Variants in PPM1E observed in about 807,000 individuals in gnomAD.
PPM1E encodes the protein protein phosphatase, Mg2+/Mn2+ dependent 1E, also known as protein phosphatase 1E.
A neutral mutation model predicts 65.9 loss-of-function variants in PPM1E; 20 were observed. The ratio of observed to expected loss-of-function variants is 0.30; its 90% confidence interval spans 0.21 to 0.44. The LOEUF is 0.44. PPM1E is among the 20% of genes least tolerant of loss of function. PPM1E has a pLI of 1.00. For missense variants in PPM1E, 713 were observed against 953.1 expected (o/e 0.75, Z 3.32); for synonymous variants, 352 against 374.9 (o/e 0.94, Z 0.70).
In PPM1E at chr17:58,766,615, A is replaced by C. The variant is rs574721253; in HGVS notation, c.464+10154A>C. ...ACTATATGTGTGTGTATACACACAC[A>C]CACACACACACACACACAGTAAAAA... On this transcript the variant is annotated intron_variant, in intron 1 of 6. Coordinates refer to ENST00000308249, the MANE Select transcript of PPM1E (RefSeq NM_014906.5). Among the ~76,000 whole-genome samples the C allele has an allele frequency of 7.2e-5, 11 of 152,108 alleles. No homozygotes were observed. In the South Asian group the frequency reaches 2.3e-3, roughly 32 times the overall value.
intron 1 of PPM1E, among the ~76,000 whole-genome samples, chr17:58,924,626 G>A (rs2051800512): frequency 6.6e-6 from 1 of 152,072 alleles, no homozygotes; most frequent in South Asian, 2.1e-4. Flanking sequence ...TTGTTACATA[G>A]GCATACATGT....
At chr17:58,894,078 A>C (rs1420210989) in intron 1 of PPM1E, among the ~76,000 whole-genome samples, 1 of 152,066 alleles carries the variant, frequency 6.6e-6, no homozygotes, top group Non-Finnish European at 1.5e-5. Flanking sequence ...GTCTCAAAAA[A>C]AACAAACCAG....
intron 1 of PPM1E, among the ~76,000 whole-genome samples, chr17:58,926,269 C>G (rs757224582): frequency 7.3e-5 from 11 of 150,974 alleles, no homozygotes; most frequent in Non-Finnish European, 2.9e-5. Flanking sequence ...GAGGTGGAGT[C>G]TGCAGTAAGC....
In PPM1E at chr17:58,981,039, T is replaced by C; in HGVS notation, c.*8T>C. 1 of 1,562,502 alleles carries C rather than the reference T, an allele frequency of 6.4e-7. No individual in the cohort carries two copies. Among genetic ancestry groups the C allele is most frequent in the Non-Finnish European group, 8.6e-7 (1 of 1,156,318 alleles). ...AGCTATAAAATAGAATAATTTTTCT[T>C]TCAAGTAGGTTAGCTAGCTCTCCCC... On this transcript the variant is annotated 3_prime_UTR_variant, in exon 7 of 7. Transcript: ENST00000308249.
chr17:58,790,737 A>G (rs1488336599), intron 1 of PPM1E, among the ~76,000 whole-genome samples: 1 of 152,128 alleles, frequency 6.6e-6, no homozygotes, highest in Non-Finnish European at 1.5e-5. Context: ...AATGGCCAGA[A>G]TCAACTGGTC....
At chr17:58,966,385 T>TA (rs528567539) in intron 3 of PPM1E, 17 of 181,158 alleles carry the variant, frequency 9.4e-5, no homozygotes, top group East Asian at 2.2e-4. Flanking sequence ...AAAAAACAAT[T>TA]AAAAAAAATT....
At chr17:58,880,303 G>A (rs1056450664) in intron 1 of PPM1E, among the ~76,000 whole-genome samples, 1 of 152,154 alleles carries the variant, frequency 6.6e-6, no homozygotes, top group Admixed American at 6.5e-5. Context: ...TGCTTTTCAA[G>A]TGCCTTTAAT....
At chr17:58,769,054 G>A (rs1006600023) in intron 1 of PPM1E, among the ~76,000 whole-genome samples, 1 of 151,634 alleles carries the variant, frequency 6.6e-6, no homozygotes, top group South Asian at 2.1e-4. Flanking sequence ...CTTGGTATAT[G>A]GCTTATAACA....
chr17:58,848,422 C>A (rs549962059), intron 1 of PPM1E, among the ~76,000 whole-genome samples: 21 of 152,194 alleles, frequency 1.4e-4, no homozygotes, highest in Admixed American at 5.2e-4. Context: ...TCATAAATAG[C>A]TCTTATTATT....
chr17:58,816,765 TATATATATATATATATATATATA>T (rs2050422343), intron 1 of PPM1E, among the ~76,000 whole-genome samples: 1 of 13,534 alleles, frequency 7.4e-5, no homozygotes, highest in African/African-American at 2.9e-4. Context: ...TATATATATA[TATATATATATATATATATATATA>T]TATATATTTT....
At chr17:58,829,311 A>C (rs1309445667) in intron 1 of PPM1E, among the ~76,000 whole-genome samples, 1 of 151,820 alleles carries the variant, frequency 6.6e-6, no homozygotes, top group African/African-American at 2.4e-5. Context: ...CAAACTGCTG[A>C]GATTACAGGC....
chr17:58,809,930 A>G (rs1161511789), intron 1 of PPM1E, among the ~76,000 whole-genome samples: 1 of 152,252 alleles, frequency 6.6e-6, no homozygotes, highest in Non-Finnish European at 1.5e-5. Flanking sequence ...AAGTAAAAAG[A>G]AAAAGGTGAA....
chr17:58,936,929 T>A (rs1016187937), intron 1 of PPM1E, among the ~76,000 whole-genome samples: 2 of 152,140 alleles, frequency 1.3e-5, no homozygotes, highest in Admixed American at 1.3e-4. Flanking sequence ...CCAATCTGAC[T>A]CCTTTCCTAT....
At chr17:58,817,471 T>C (rs1232759364) in intron 1 of PPM1E, among the ~76,000 whole-genome samples, 1 of 152,192 alleles carries the variant, frequency 6.6e-6, no homozygotes, top group Non-Finnish European at 1.5e-5. Flanking sequence ...CATAAATTGT[T>C]ATCATTTGGG....
chr17:58,789,306 C>T (rs1054453571), intron 1 of PPM1E, among the ~76,000 whole-genome samples: 3 of 152,132 alleles, frequency 2.0e-5, no homozygotes, highest in Non-Finnish European at 4.4e-5. Flanking sequence ...TTTCTTCAGG[C>T]TCATACCTCA....
At chr17:58,834,245 G>C (rs898278677) in intron 1 of PPM1E, among the ~76,000 whole-genome samples, 1 of 152,002 alleles carries the variant, frequency 6.6e-6, no homozygotes, top group Non-Finnish European at 1.5e-5. Context: ...TAATTGGACT[G>C]CTTACTTATT....
At chr17:58,801,945 A>T (rs1472435550) in intron 1 of PPM1E, among the ~76,000 whole-genome samples, 1 of 151,822 alleles carries the variant, frequency 6.6e-6, no homozygotes. Flanking sequence ...TTCAGTAGAG[A>T]CAGGGTTTCA....
chr17:58,952,780 T>G (rs2052257595), intron 1 of PPM1E, among the ~76,000 whole-genome samples: 1 of 152,138 alleles, frequency 6.6e-6, no homozygotes, highest in African/African-American at 2.4e-5. Flanking sequence ...TTCAAGCGAT[T>G]CTTCTGCCTC....
chr17:58,963,470 C>T (rs1352691100), intron 2 of PPM1E, among the ~76,000 whole-genome samples: 10 of 150,222 alleles, frequency 6.7e-5, no homozygotes, highest in Non-Finnish European at 1.2e-4. Flanking sequence ...GGGTGGATCA[C>T]GAGGTCAGGA....
Sources: allele counts gnomAD v4.1 joint callset (sites outside exome capture counted in the v4.1 genomes callset), GRCh38; gene constraint gnomAD v4.1.1; transcripts MANE v1.5; gene names NCBI Gene and HGNC (gene_info 2026-07-23, HGNC 2026-07-21).